The following SLC44A5 variants were observed in gnomAD, a reference collection of about 807,000 sequenced individuals.
SLC44A5 encodes solute carrier family 44 member 5.
In SLC44A5, 57 loss-of-function variants were observed where a neutral mutation model predicts 101.8. The ratio of observed to expected loss-of-function variants is 0.56; its 90% CI spans 0.45 to 0.70. The LOEUF is 0.70. Among genes scored for constraint, SLC44A5 ranks in the 30% least tolerant of loss-of-function variants. The probability of loss-of-function intolerance (pLI) is 0.00; values close to 1 mark genes in which losing one functional copy is unlikely to be tolerated. For missense variants in SLC44A5, 737 were observed against 853.1 expected, an observed-to-expected ratio of 0.86 and a Z score of 1.70; for synonymous variants, 281 against 290.9, an observed-to-expected ratio of 0.97 and a Z score of 0.35.
chr1:75,566,179 C>T (rs990056704), intron 1 of SLC44A5, among the ~76,000 whole-genome samples: 9 of 152,090 alleles, frequency 5.9e-5, no homozygotes, highest in Non-Finnish European at 1.3e-4. Context: ...GATTAAAGCA[C>T]AACTCATATA....
intron 2 of SLC44A5, among the ~76,000 whole-genome samples, chr1:75,507,770 C>T (rs1669350803): frequency 6.6e-6 from 1 of 152,078 alleles, no homozygotes; most frequent in Non-Finnish European, 1.5e-5. Context: ...TGTCCTGATT[C>T]AATCTTGAGA....
chr1:75,504,178 C>G (rs376138344), intron 2 of SLC44A5, among the ~76,000 whole-genome samples: 1 of 151,970 alleles, frequency 6.6e-6, no homozygotes, highest in Non-Finnish European at 1.5e-5. Context: ...TACAGTATTT[C>G]CATTTTCCCC....
chr1:75,268,052 A>C (rs1450174066), intron 6 of SLC44A5, among the ~76,000 whole-genome samples: 1 of 152,150 alleles, frequency 6.6e-6, no homozygotes. Context: ...AATAATCCAA[A>C]TACTTTATCA....
At chr1:75,218,443 C>T (rs1026614358) in intron 17 of SLC44A5, 47 bp downstream of exon 17, 1 of 1,603,664 alleles carries the variant, frequency 6.2e-7, no homozygotes, top group Non-Finnish European at 8.5e-7. Context: ...TACAAGCACA[C>T]TAAATGTAAC....
intron 3 of SLC44A5, among the ~76,000 whole-genome samples, chr1:75,388,003 T>G (rs1443152390): frequency 2.1e-5 from 3 of 144,080 alleles, no homozygotes; most frequent in African/African-American, 7.8e-5. Flanking sequence ...TAGGTGGGAA[T>G]TGAACAATGA....
chr1:75,306,896 G>T (rs555967336), intron 4 of SLC44A5, among the ~76,000 whole-genome samples: 112 of 151,674 alleles, frequency 7.4e-4, no homozygotes, highest in African/African-American at 2.6e-3. Flanking sequence ...CATCACGCCC[G>T]GCTAATTTTT....
the SLC44A5 span, among the ~76,000 whole-genome samples, chr1:75,688,335 C>A: frequency 6.6e-6 from 1 of 152,190 alleles, no homozygotes; most frequent in Non-Finnish European, 1.5e-5. Context: ...TTAAACCTTG[C>A]TTTTGCAATT....
At chr1:75,395,798 A>T (rs1051042039) in intron 3 of SLC44A5, among the ~76,000 whole-genome samples, 8 of 152,154 alleles carry the variant, frequency 5.3e-5, no homozygotes, top group Admixed American at 3.9e-4. Context: ...GTTAATAATA[A>T]TGTATTGCAT....
At chr1:75,714,567 C>T in the SLC44A5 span, among the ~76,000 whole-genome samples, 1 of 152,346 alleles carries the variant, frequency 6.6e-6, no homozygotes, top group Admixed American at 6.5e-5. Context: ...TCAGCAACAT[C>T]TCTGTTTGCA....
intron 1 of SLC44A5, among the ~76,000 whole-genome samples, chr1:75,543,658 TAC>T (rs1671484305): frequency 7.8e-6 from 1 of 127,984 alleles, no homozygotes; most frequent in South Asian, 2.5e-4. Context: ...TACACATATA[TAC>T]ACACATATAT....
intron 22 of SLC44A5, among the ~76,000 whole-genome samples, chr1:75,211,836 T>TTC (rs1430693199): frequency 1.3e-5 from 2 of 151,540 alleles, no homozygotes; most frequent in African/African-American, 2.4e-5. Flanking sequence ...TTCTTTTCTT[T>TTC]TTTTTCTTTT....
the SLC44A5 span, among the ~76,000 whole-genome samples, chr1:75,704,412 C>T: frequency 2.0e-5 from 3 of 152,016 alleles, no homozygotes; most frequent in African/African-American, 4.8e-5. Flanking sequence ...CTGCTTGAGC[C>T]CAGGAGTTCA....
the SLC44A5 span, among the ~76,000 whole-genome samples, chr1:75,621,878 T>C: frequency 6.6e-6 from 1 of 152,110 alleles, no homozygotes; most frequent in African/African-American, 2.4e-5. Flanking sequence ...AAAAATTTGT[T>C]TCTGGCACTT....
At chr1:75,682,987 C>A in the SLC44A5 span, among the ~76,000 whole-genome samples, 5 of 151,930 alleles carry the variant, frequency 3.3e-5, no homozygotes, top group African/African-American at 1.2e-4. Flanking sequence ...TTTATGCAGC[C>A]AAAAAACACA....
chr1:75,245,203 T>G (rs1449676057), intron 7 of SLC44A5, among the ~76,000 whole-genome samples: 1 of 152,136 alleles, frequency 6.6e-6, no homozygotes, highest in Non-Finnish European at 1.5e-5. Context: ...CCTCCACATG[T>G]ATTTCCTCTT....
At chr1:75,356,682 C>T (rs1332688788) in intron 3 of SLC44A5, among the ~76,000 whole-genome samples, 1 of 152,128 alleles carries the variant, frequency 6.6e-6, no homozygotes, top group African/African-American at 2.4e-5. Flanking sequence ...CTTCACCTCA[C>T]TTACCATTCA....
At chr1:75,655,089 A>G in the SLC44A5 span, among the ~76,000 whole-genome samples, 1 of 152,166 alleles carries the variant, frequency 6.6e-6, no homozygotes, top group East Asian at 1.9e-4. Flanking sequence ...CTGGAGTCTA[A>G]GCTCCCCCAA....
chr1:75,655,326 C>T, the SLC44A5 span, among the ~76,000 whole-genome samples: 1 of 152,164 alleles, frequency 6.6e-6, no homozygotes, highest in Admixed American at 6.5e-5. Context: ...TAAAGCTATG[C>T]AGCACCAGGA....
intron 4 of SLC44A5, among the ~76,000 whole-genome samples, chr1:75,316,339 T>G (rs1332312984): frequency 6.6e-6 from 1 of 152,200 alleles, no homozygotes; most frequent in Non-Finnish European, 1.5e-5. Flanking sequence ...CCTTGAAAGC[T>G]CTCTCACCCT....
Sources: allele counts gnomAD v4.1 joint callset (sites outside exome capture counted in the v4.1 genomes callset), GRCh38; gene constraint gnomAD v4.1.1; transcripts MANE v1.5; gene names NCBI Gene and HGNC (gene_info 2026-07-23, HGNC 2026-07-21).